Variants in TGFB2 observed in about 807,000 individuals in gnomAD.
TGFB2 encodes transforming growth factor beta 2.
A neutral mutation model predicts 42.7 loss-of-function variants in TGFB2; 13 were observed. The observed-to-expected ratio is 0.30, with a 90% CI of 0.20 to 0.48. The LOEUF is 0.48. Ranked by LOEUF, TGFB2 falls within the 20% of genes least tolerant of loss-of-function variation. The pLI is 0.99. For missense variants in TGFB2, 390 were observed against 517.5 expected (o/e 0.75, Z 2.39); for synonymous variants, 193 against 193.6 (o/e 1.00, Z 0.03).
chr1:218,376,294 A>T (rs1057499574), intron 1 of TGFB2, among the ~76,000 whole-genome samples: 1 of 152,164 alleles, frequency 6.6e-6, no homozygotes, highest in Non-Finnish European at 1.5e-5. Context: ...GTTAGTAATG[A>T]TTTCTACAAC....
At chr1:218,431,710 G>T (rs1211893153) in intron 2 of TGFB2, among the ~76,000 whole-genome samples, 1 of 152,354 alleles carries the variant, frequency 6.6e-6, no homozygotes. Flanking sequence ...GAAGAATTTA[G>T]AGACAAAACG....
intron 1 of TGFB2, among the ~76,000 whole-genome samples, chr1:218,398,933 A>C (rs1359733927): frequency 6.6e-6 from 1 of 151,972 alleles, no homozygotes; most frequent in Non-Finnish European, 1.5e-5. Flanking sequence ...CCCAGGCTTC[A>C]GTGCAGTGAC....
At chr1:218,405,510 G>A (rs1432641141) in intron 2 of TGFB2, 178 bp downstream of exon 2, 2 of 1,065,390 alleles carry the variant, frequency 1.9e-6, no homozygotes, top group Non-Finnish European at 2.8e-6. Context: ...GACTGCAGGA[G>A]TGCACCATCA....
intron 1 of TGFB2, among the ~76,000 whole-genome samples, chr1:218,399,727 G>T (rs1658650107): frequency 6.6e-6 from 1 of 152,008 alleles, no homozygotes; most frequent in South Asian, 2.1e-4. Context: ...TGTATAAACT[G>T]CCCCAGGACA....
intron 2 of TGFB2, among the ~76,000 whole-genome samples, chr1:218,417,027 C>T (rs976360656): frequency 6.6e-5 from 10 of 152,052 alleles, no homozygotes; most frequent in Non-Finnish European, 1.5e-4. Context: ...TGCAGCAGTG[C>T]GAAAATGGAC....
At chr1:218,380,569 C>T (rs1657926496) in intron 1 of TGFB2, among the ~76,000 whole-genome samples, 1 of 151,980 alleles carries the variant, frequency 6.6e-6, no homozygotes, top group South Asian at 2.1e-4. Flanking sequence ...GTAGTTTGGC[C>T]CTAGGCTGCA....
chr1:218,417,219 A>AT (rs1462475042), intron 2 of TGFB2, among the ~76,000 whole-genome samples: 1 of 152,236 alleles, frequency 6.6e-6, no homozygotes, highest in Admixed American at 6.5e-5. Context: ...TTTGACAAAA[A>AT]TGCTGATGGT....
rs779476856 is a variant in TGFB2 at position 218,415,694 on chromosome 1, C to CAAA, written c.510+10364_510+10366dup. On this transcript the variant is annotated intron_variant, in intron 2 of 6. Coordinates refer to ENST00000366930, the MANE Select transcript of TGFB2 (RefSeq NM_003238.6). ...TGGGCGACAGAGCGAGACTCTGTCTCAAAAGAAAAAAAAAAAAAAAAAAAA... is the reference window on the plus strand; with the variant it reads ...TGGGCGACAGAGCGAGACTCTGTCTCAAAAAAAGAAAAAAAAAAAAAAAAAAAA... Among the ~76,000 whole-genome samples, 300 of 40,098 alleles carry CAAA rather than the reference C, an allele frequency of 7.5e-3. 70 individuals carry two copies. The highest frequency in any genetic ancestry group is 0.019 in the African/African-American group (173 of 8,896). The allele number at this position is 40,098 out of a possible 152,430, so 26.3% of individuals were successfully genotyped here. A position where few individuals can be genotyped will look rare whatever the true frequency, so the allele number is the denominator to read the frequency against.
intron 1 of TGFB2, among the ~76,000 whole-genome samples, chr1:218,354,407 G>C (rs1275953031): frequency 1.3e-5 from 2 of 152,160 alleles, no homozygotes; most frequent in African/African-American, 4.8e-5. Flanking sequence ...TAATGAAGGT[G>C]GTGATAATGA....
At chr1:218,423,279 T>G (rs1659515567) in intron 2 of TGFB2, among the ~76,000 whole-genome samples, 2 of 152,308 alleles carry the variant, frequency 1.3e-5, no homozygotes, top group Non-Finnish European at 2.9e-5. Context: ...TTTAAATAAG[T>G]TTATGTTTCC....
At chr1:218,422,488 T>C (rs1659489640) in intron 2 of TGFB2, among the ~76,000 whole-genome samples, 1 of 152,182 alleles carries the variant, frequency 6.6e-6, no homozygotes, top group South Asian at 2.1e-4. Flanking sequence ...CCCATAGTGC[T>C]GAGATTACAG....
intron 2 of TGFB2, among the ~76,000 whole-genome samples, chr1:218,415,762 C>T (rs940121258): frequency 6.7e-6 from 1 of 148,464 alleles, no homozygotes; most frequent in African/African-American, 2.5e-5. Flanking sequence ...AAGGAGGAGA[C>T]CTTTGCAGCC....
At chr1:218,366,749 G>T (rs144170545) in intron 1 of TGFB2, among the ~76,000 whole-genome samples, 1 of 152,296 alleles carries the variant, frequency 6.6e-6, no homozygotes, top group African/African-American at 2.4e-5. Context: ...TTTTAAACAG[G>T]CACTGCAGGT....
At chr1:218,413,531 G>T (rs1416321638) in intron 2 of TGFB2, among the ~76,000 whole-genome samples, 1 of 152,210 alleles carries the variant, frequency 6.6e-6, no homozygotes, top group Non-Finnish European at 1.5e-5. Flanking sequence ...TGAAGCCACC[G>T]CTAGCATGGC....
intron 2 of TGFB2, among the ~76,000 whole-genome samples, chr1:218,431,858 A>G (rs550597894): frequency 6.6e-6 from 1 of 152,276 alleles, no homozygotes; most frequent in East Asian, 1.9e-4. Flanking sequence ...TAGATAAGTG[A>G]TGTCTTACTT....
intron 6 of TGFB2, among the ~76,000 whole-genome samples, chr1:218,440,291 T>C (rs1660110775): frequency 6.6e-6 from 1 of 152,170 alleles, no homozygotes; most frequent in African/African-American, 2.4e-5. Context: ...TAGAGATCAC[T>C]TTTATGTCAT....
intron 1 of TGFB2, among the ~76,000 whole-genome samples, chr1:218,395,728 C>T (rs755251022): frequency 2.4e-4 from 37 of 151,790 alleles, no homozygotes; most frequent in Non-Finnish European, 4.9e-4. Flanking sequence ...TCTCCTGCCT[C>T]AGCCTCCAGA....
chr1:218,355,618 C>G (rs1286808805), intron 1 of TGFB2, among the ~76,000 whole-genome samples: 1 of 152,200 alleles, frequency 6.6e-6, no homozygotes, highest in Admixed American at 6.5e-5. Flanking sequence ...TTCACTTAGC[C>G]CAGCCTCAGT....
chr1:218,434,499 T>A (rs773234182), intron 4 of TGFB2, 51 bp downstream of exon 4: 1 of 1,152,288 alleles, frequency 8.7e-7, no homozygotes, highest in Non-Finnish European at 1.3e-6. Context: ...TCTATATTGA[T>A]AATCTCATGG....
Sources: allele counts gnomAD v4.1 joint callset (sites outside exome capture counted in the v4.1 genomes callset), GRCh38; gene constraint gnomAD v4.1.1; transcripts MANE v1.5; gene names NCBI Gene and HGNC (gene_info 2026-07-23, HGNC 2026-07-21).